Variants in EFCAB5 observed in about 807,000 individuals in gnomAD.
EFCAB5 encodes the protein EF-hand calcium binding domain 5, also known as EF-hand calcium-binding domain-containing protein 5.
A neutral mutation model predicts 167.9 loss-of-function variants in EFCAB5; 131 were observed. The observed-to-expected ratio is 0.78, with a 90% CI of 0.68 to 0.90. The LOEUF is 0.90. Among genes scored for constraint, EFCAB5 ranks in the 40% least tolerant of loss-of-function variants. EFCAB5 has a pLI of 0.00. For synonymous variants in EFCAB5, 574 were observed against 602.8 expected, an observed-to-expected ratio of 0.95 and a Z score of 0.70; for missense variants, 1,663 against 1,745.2, an observed-to-expected ratio of 0.95 and a Z score of 0.84.
In EFCAB5 at chr17:30,057,731, T is replaced by C. The variant is rs552625973; in HGVS notation, c.2421T>C (p.Thr807=). Residue 807 remains threonine, a synonymous_variant, in exon 13 of 23, where the codon ACT becomes ACC. Coordinates refer to ENST00000394835, the MANE Select transcript of EFCAB5 (RefSeq NM_198529.4). ...CTTGCAAGGAGGTAAAAGGCAGAAC[T>C]GCCTTCAATGGAGTTTCATTCAATC... The part of the protein sequence containing the change: ...IQSCKEVKGR[T]AFNGVSFNLL... 53 of 1,613,860 alleles carry C rather than the reference T, an allele frequency of 3.3e-5. 1 individual carries two copies. In the South Asian group the frequency reaches 5.8e-4, roughly 18 times the overall value.
chr17:30,069,207 C>T (rs2070661422), intron 14 of EFCAB5: 2 of 1,544,546 alleles, frequency 1.3e-6, no homozygotes, highest in Admixed American at 3.3e-5. Context: ...CTTCAAAAGA[C>T]TGAAGAAAAC....
In EFCAB5 at chr17:30,005,732, C is replaced by T. The variant is rs548601102; in HGVS notation, c.1044+5756C>T. On this transcript the variant is annotated intron_variant, in intron 7 of 22. Transcript: ENST00000394835. ...TTTGGAGTTTAGGCACAGTAAGTGA[C>T]GATTGTTAATGTTAAAATACAGATC... is the stretch of plus-strand genomic sequence containing the variant. Among the ~76,000 whole-genome samples, 12 of 152,196 alleles carry T rather than the reference C, an allele frequency of 7.9e-5. No homozygotes were observed. The East Asian group carries it at 1.9e-3, about 24-fold the overall frequency.
intron 7 of EFCAB5, among the ~76,000 whole-genome samples, chr17:30,026,397 G>A (rs1026272166): frequency 6.6e-6 from 1 of 151,948 alleles, no homozygotes; most frequent in Non-Finnish European, 1.5e-5. Flanking sequence ...AGAGTATGCA[G>A]GTGTTGTTAG....
intron 1 of EFCAB5, among the ~76,000 whole-genome samples, chr17:29,934,146 C>T (rs983879631): frequency 2.4e-4 from 36 of 152,090 alleles, no homozygotes; most frequent in African/African-American, 5.1e-4. Context: ...ATTGAAATGA[C>T]GGCTTGCAGT....
chr17:30,000,623 GT>G (rs1315483167), intron 7 of EFCAB5, among the ~76,000 whole-genome samples: 4 of 152,066 alleles, frequency 2.6e-5, no homozygotes, highest in African/African-American at 9.7e-5. Context: ...CAGAGTCAAG[GT>G]AACTTTCTGT....
At chr17:30,075,212 T>C (rs1046811506) in intron 14 of EFCAB5, among the ~76,000 whole-genome samples, 5 of 152,202 alleles carry the variant, frequency 3.3e-5, no homozygotes, top group African/African-American at 1.2e-4. Context: ...TCACTGTCGC[T>C]GTCCTCTCTT....
At position 30,107,958 on chromosome 17, in the gene EFCAB5, G is replaced by T. The variant is rs74776851; in HGVS notation, c.4446G>T (p.Pro1482=). 5 of 1,610,888 alleles carry T rather than the reference G, an allele frequency of 3.1e-6. No homozygotes were observed. The highest frequency in any genetic ancestry group is 4.2e-6 in the Non-Finnish European group (5 of 1,179,150). The change falls in exon 23 of 23, where the codon CCG becomes CCT. Residue 1482 remains proline (P), a synonymous_variant. Coordinates refer to ENST00000394835, the MANE Select transcript of EFCAB5 (RefSeq NM_198529.4). ...AACTAAATAGTGGTATTACACCTCCGTTGCCCTCCAAGACTGACAATTATA... is the reference window on the plus strand; with the variant it reads ...AACTAAATAGTGGTATTACACCTCCTTTGCCCTCCAAGACTGACAATTATA... The part of the protein sequence containing the change: ...TKQLNSGITP[P]LPSKTDNYMY...
chr17:30,105,063 A>G (rs1053803321), intron 22 of EFCAB5, among the ~76,000 whole-genome samples: 1 of 152,156 alleles, frequency 6.6e-6, no homozygotes, highest in African/African-American at 2.4e-5. Context: ...GGAGCAGCAG[A>G]GCTGTTTTGT....
rs180881067 is a variant in EFCAB5 at position 30,056,165 on chromosome 17, T to C, written c.2365+9T>C. Reference sequence around the variant, plus strand: ...TAACTCCAGGTTCACAGGTACATGTTAACAATGAAAGTAGGAATAGATGGC... The same window carrying C: ...TAACTCCAGGTTCACAGGTACATGTCAACAATGAAAGTAGGAATAGATGGC... On this transcript the variant is annotated intron_variant, in intron 12 of 22. Transcript: ENST00000394835. 5.6e-6 allele frequency: 9 copies of C among 1,600,472 alleles called. No individual in the cohort carries two copies. In the African/African-American group the frequency reaches 1.2e-4, roughly 21 times the overall value.
chr17:30,012,167 C>A (rs996928052), intron 7 of EFCAB5, among the ~76,000 whole-genome samples: 3 of 152,056 alleles, frequency 2.0e-5, no homozygotes, highest in Admixed American at 6.6e-5. Context: ...CTAGCAGTAG[C>A]GTAAGTGTCA....
intron 16 of EFCAB5, 59 bp from the exon 17 acceptor site, chr17:30,080,694 T>C: frequency 7.9e-7 from 1 of 1,272,204 alleles, no homozygotes; most frequent in East Asian, 2.5e-5. Flanking sequence ...GTTTCCTCCA[T>C]GGTTTAATCT....
Position 30,090,685 on chromosome 17 carries a change from T to C in EFCAB5, c.3937+11T>C, listed in dbSNP as rs2071178914. The stretch of plus-strand genomic sequence containing the variant: ...AAAAATATATCTTAGGTATCGTTCA[T>C]GTGGCATCAGTCTAAATTCACAGGT... On this transcript the variant is annotated intron_variant, in intron 20 of 22. Transcript: ENST00000394835. 3 of 1,605,126 alleles carry C rather than the reference T, an allele frequency of 1.9e-6. No individual in the cohort carries two copies. The highest frequency in any genetic ancestry group is 2.6e-6 in the Non-Finnish European group (3 of 1,176,446).
At chr17:30,080,693 A>G in intron 16 of EFCAB5, 60 bp from the exon 17 acceptor site, 1 of 1,271,984 alleles carries the variant, frequency 7.9e-7, no homozygotes, top group East Asian at 2.5e-5. Flanking sequence ...AGTTTCCTCC[A>G]TGGTTTAATC....
chr17:30,009,650 C>T lies in EFCAB5; in HGVS notation c.1044+9674C>T, dbSNP rs533536294. Among the ~76,000 whole-genome samples the T allele has an allele frequency of 1.8e-3, 281 of 152,178 alleles. 1 individual carries two copies. The highest frequency in any genetic ancestry group is 1.8e-3 in the African/African-American group (75 of 41,532). ...TCCACTCATCAGTTGGTGGACATTT[C>T]GGTTGTTTTCATTTTTTGGCTACTG... On this transcript the variant is annotated intron_variant, in intron 7 of 22. Transcript: ENST00000394835.
chr17:30,068,785 GC>G, intron 14 of EFCAB5: 1 of 1,350,942 alleles, frequency 7.4e-7, no homozygotes, highest in Non-Finnish European at 1.1e-6. Flanking sequence ...CTCCAGCCGG[GC>G]CCGCGAAATG....
intron 8 of EFCAB5, among the ~76,000 whole-genome samples, chr17:30,035,043 A>G (rs1358752468): frequency 1.3e-5 from 2 of 152,236 alleles, no homozygotes; most frequent in African/African-American, 4.8e-5. Flanking sequence ...AAACGATGCC[A>G]CACTGGACTG....
chr17:29,930,253 A>C (rs951890912), intron 1 of EFCAB5: 8 of 511,422 alleles, frequency 1.6e-5, no homozygotes, highest in Non-Finnish European at 2.8e-5. Context: ...CGCAGGCGCC[A>C]CCTGTCAGCT....
chr17:29,996,059 A>G (rs1022179318), intron 5 of EFCAB5, among the ~76,000 whole-genome samples: 4 of 152,190 alleles, frequency 2.6e-5, no homozygotes, highest in Non-Finnish European at 4.4e-5. Context: ...CAAGTTAACG[A>G]CAAGTTTATT....
At chr17:29,987,213 C>T (rs558755173) in intron 4 of EFCAB5, among the ~76,000 whole-genome samples, 9 of 152,168 alleles carry the variant, frequency 5.9e-5, no homozygotes, top group African/African-American at 2.2e-4. Flanking sequence ...TGATCTGTCC[C>T]CAGGTAGGTG....
Sources: allele counts gnomAD v4.1 joint callset (sites outside exome capture counted in the v4.1 genomes callset), GRCh38; gene constraint gnomAD v4.1.1; transcripts MANE v1.5; gene names NCBI Gene and HGNC (gene_info 2026-07-23, HGNC 2026-07-21).